The following OPRM1 variants were observed in gnomAD, a reference collection of about 807,000 sequenced individuals.
OPRM1 encodes mu-type opioid receptor.
A neutral mutation model predicts 31.8 loss-of-function variants in OPRM1; 27 were observed. The observed-to-expected ratio is 0.85, with a 90% CI of 0.63 to 1.17. The LOEUF is 1.17. Among genes scored for constraint, OPRM1 ranks in the 50% most tolerant of loss-of-function variants. The pLI is 0.00. For missense variants in OPRM1, 536 were observed against 511.1 expected, an observed-to-expected ratio of 1.05 and a Z score of -0.47; for synonymous variants, 196 against 189.9, an observed-to-expected ratio of 1.03 and a Z score of -0.26.
At chr6:154,107,778 C>T (rs757072767) in intron 3 of OPRM1, 1 of 718,456 alleles carries the variant, frequency 1.4e-6, no homozygotes, top group Non-Finnish European at 2.6e-6. Context: ...TGCTGACCAA[C>T]TTGCCGGGTC....
chr6:154,237,375 C>CG (rs1344538721), intron 3 of OPRM1, among the ~76,000 whole-genome samples: 2 of 152,140 alleles, frequency 1.3e-5, no homozygotes, highest in East Asian at 3.8e-4. Flanking sequence ...ATCCTTTACA[C>CG]GGGGTCGGTA....
At chr6:154,245,803 C>T (rs138618437) in intron 3 of OPRM1, among the ~76,000 whole-genome samples, 11 of 152,320 alleles carry the variant, frequency 7.2e-5, no homozygotes, top group African/African-American at 2.6e-4. Context: ...TCCTTGGAAA[C>T]GTCTCCTCAT....
rs116296181 is a variant in OPRM1 at position 154,145,514 on chromosome 6, T to C, written c.1164+54042T>C. ...CAGAAATCAAAGACATTTAAATAAA[T>C]GGAGAGACATACATTGTTCATAGGT... is the stretch of plus-strand genomic sequence containing the variant. On this transcript the variant is annotated intron_variant, in intron 3 of 3. Coordinates refer to the OPRM1 transcript ENST00000337049. Among the ~76,000 whole-genome samples, 1,204 of 152,312 alleles carry C rather than the reference T, an allele frequency of 7.9e-3. 18 individuals are homozygous for C. The highest frequency in any genetic ancestry group is 0.027 in the African/African-American group (1,122 of 41,574).
At position 154,189,338 on chromosome 6, in the gene OPRM1, T is replaced by G. The variant is rs1179216215; in HGVS notation, c.1165-57355T>G. Among the ~76,000 whole-genome samples the G allele has an allele frequency of 5.3e-5, 8 of 152,324 alleles. No homozygotes were observed. In the East Asian group the frequency reaches 1.3e-3, roughly 26 times the overall value. ...ATAAAGCAATTTCATCTAGTAAAGTTGAAGATAGGCATACATCATGGCCAG... is the reference window on the plus strand; with the variant it reads ...ATAAAGCAATTTCATCTAGTAAAGTGGAAGATAGGCATACATCATGGCCAG... On this transcript the variant is annotated intron_variant, in intron 3 of 3. Transcript: ENST00000337049.
rs1562416141 is a variant in OPRM1, at chr6:154,063,411, CTT to C, written c.290+23579_290+23580del. ...GCATTAACTTTATTAAATTATTAAA[CTT>C]TATTAAATTTAAATATGAATTTAAA... On this transcript the variant is annotated intron_variant, in intron 1 of 3. Transcript: ENST00000330432. 2.6e-5 allele frequency among the ~76,000 whole-genome samples: 4 copies of C among 151,980 alleles called. No individual in the cohort carries two copies. In the East Asian group the frequency reaches 7.7e-4, roughly 29 times the overall value.
At chr6:154,219,694 G>A (rs187327616) in intron 3 of OPRM1, among the ~76,000 whole-genome samples, 9 of 152,166 alleles carry the variant, frequency 5.9e-5, no homozygotes, top group African/African-American at 9.6e-5. Flanking sequence ...CTCTCCATTC[G>A]TGTATCTGTT....
chr6:154,145,010 C>A (rs1470109642), intron 3 of OPRM1, among the ~76,000 whole-genome samples: 2 of 151,850 alleles, frequency 1.3e-5, no homozygotes, highest in African/African-American at 2.4e-5. Flanking sequence ...AATATATATA[C>A]CAAAAAACTA....
Position 154,244,303 on chromosome 6 carries a change from T to G in OPRM1, c.1165-2390T>G, listed in dbSNP as rs945832133. On this transcript the variant is annotated intron_variant, in intron 3 of 3. Coordinates refer to the OPRM1 transcript ENST00000337049. ...AAGATTCGGTGTGTGTGTGGGTGGGTGTGTGTGTGTGTGTGTGTGTGTGTT... is the reference window on the plus strand; with the variant it reads ...AAGATTCGGTGTGTGTGTGGGTGGGGGTGTGTGTGTGTGTGTGTGTGTGTT... Among the ~76,000 whole-genome samples the G allele has an allele frequency of 3.1e-3, 441 of 140,780 alleles. 4 individuals carry two copies. The highest frequency in any genetic ancestry group is 0.012 in the African/African-American group (427 of 35,048). 92.4% of individuals were successfully genotyped at this position (140,780 alleles called of 152,430 possible). A position where few individuals can be genotyped will look rare whatever the true frequency, so the allele number is the denominator to read the frequency against.
At chr6:154,114,769 G>A (rs1235490858) in intron 3 of OPRM1, among the ~76,000 whole-genome samples, 1 of 148,548 alleles carries the variant, frequency 6.7e-6, no homozygotes, top group African/African-American at 2.5e-5. Flanking sequence ...TTTTTTCACT[G>A]ACCATACAAG....
chr6:154,236,423 G>A (rs1269693903), intron 3 of OPRM1, among the ~76,000 whole-genome samples: 2 of 152,156 alleles, frequency 1.3e-5, no homozygotes, highest in Non-Finnish European at 2.9e-5. Context: ...TATTTAATAG[G>A]TACAGAGTCT....
chr6:154,231,750 A>G (rs1276469358), intron 3 of OPRM1, among the ~76,000 whole-genome samples: 1 of 152,262 alleles, frequency 6.6e-6, no homozygotes, highest in Non-Finnish European at 1.5e-5. Flanking sequence ...AAGAGGATAG[A>G]GAACAGAGAT....
intron 1 of OPRM1, among the ~76,000 whole-genome samples, chr6:154,041,520 A>G (rs1191225901): frequency 1.3e-5 from 2 of 151,824 alleles, no homozygotes; most frequent in Non-Finnish European, 2.9e-5. Context: ...AAGGGACTCT[A>G]GAGATTATCT....
chr6:154,209,643 CA>C (rs34423257), intron 3 of OPRM1, among the ~76,000 whole-genome samples: 53,197 of 107,878 alleles, frequency 0.49, 9,580 homozygotes, highest in Middle Eastern at 0.58. Flanking sequence ...GACTGTGTCT[CA>C]AAAAAAAAAA....
Position 154,125,237 on chromosome 6 carries a change from A to G in OPRM1, c.*6516A>G, listed in dbSNP as rs1207400871. Among the ~76,000 whole-genome samples the G allele has an allele frequency of 6.6e-6, 1 of 152,224 alleles. No homozygotes were observed. The highest frequency in any genetic ancestry group is 1.5e-5 in the Non-Finnish European group (1 of 68,032). On this transcript the variant is annotated 3_prime_UTR_variant, in exon 4 of 4. Transcript: ENST00000330432. ...AGAACAGTAATACTAATTATATCCC[A>G]TGTAAGGGGCTACTGACAATTTTGA...
intron 3 of OPRM1, among the ~76,000 whole-genome samples, chr6:154,094,038 GT>G (rs1792903461): frequency 6.6e-6 from 1 of 152,194 alleles, no homozygotes; most frequent in Admixed American, 6.5e-5. Context: ...GACCCATCAT[GT>G]TGGAAAACAA....
chr6:154,061,286 C>T (rs1348064579), intron 1 of OPRM1, among the ~76,000 whole-genome samples: 2 of 152,084 alleles, frequency 1.3e-5, no homozygotes, highest in African/African-American at 4.8e-5. Flanking sequence ...ATTCCTGTCA[C>T]CTACATGAGC....
intron 3 of OPRM1, among the ~76,000 whole-genome samples, chr6:154,151,062 G>A (rs1445315471): frequency 6.6e-6 from 1 of 152,190 alleles, no homozygotes; most frequent in Non-Finnish European, 1.5e-5. Context: ...TCCACCACAG[G>A]TAAAAGTCTC....
At chr6:154,235,723 C>G (rs1780078503) in intron 3 of OPRM1, among the ~76,000 whole-genome samples, 1 of 152,088 alleles carries the variant, frequency 6.6e-6, no homozygotes, top group African/African-American at 2.4e-5. Flanking sequence ...CTAAGAAAAT[C>G]TGGTTCAAAA....
intron 3 of OPRM1, among the ~76,000 whole-genome samples, chr6:154,140,475 C>T (rs1157608118): frequency 3.9e-5 from 6 of 152,152 alleles, no homozygotes; most frequent in Non-Finnish European, 8.8e-5. Context: ...GCATTACAGG[C>T]GTGTGCCACC....
Sources: allele counts gnomAD v4.1 joint callset (sites outside exome capture counted in the v4.1 genomes callset), GRCh38; gene constraint gnomAD v4.1.1; transcripts MANE v1.5; gene names NCBI Gene and HGNC (gene_info 2026-07-23, HGNC 2026-07-21).